The following HERC5 variants were observed in gnomAD, a reference collection of about 807,000 sequenced individuals.
The protein encoded by HERC5 is HECT and RLD domain containing E3 ubiquitin protein ligase 5.
HERC5 carries 99 observed loss-of-function variants against 119.6 expected under a neutral mutation model. The ratio of observed to expected loss-of-function variants is 0.83; its 90% CI spans 0.70 to 0.98. HERC5 has a LOEUF of 0.98. HERC5 is among the 50% of genes least tolerant of loss of function. The probability of loss-of-function intolerance (pLI) is 0.00; values close to 1 mark genes in which losing one functional copy is unlikely to be tolerated. For synonymous variants in HERC5, 478 were observed against 445.9 expected (o/e 1.07, Z -0.91); for missense variants, 1,267 against 1,241.3 (o/e 1.02, Z -0.31).
At chr4:88,493,612 T>G (rs1741712423) in intron 17 of HERC5, among the ~76,000 whole-genome samples, 1 of 152,050 alleles carries the variant, frequency 6.6e-6, no homozygotes, top group South Asian at 2.1e-4. Context: ...TTGTTTTGTT[T>G]TGCTTTATTT....
Position 88,471,213 on chromosome 4 carries a change from A to G in HERC5, c.1298+540A>G, listed in dbSNP as rs1355207472. Among the ~76,000 whole-genome samples the G allele has an allele frequency of 2.6e-5, 4 of 151,566 alleles. No homozygotes were observed. The East Asian group carries it at 7.9e-4, about 30-fold the overall frequency. ...TCGAACTCCTGAGCTCAGGCAATCT[A>G]CCAGCCTTGGCCTCCCCAAGTGCTG... On this transcript the variant is annotated intron_variant, in intron 10 of 22. Transcript: ENST00000264350.
At chr4:88,488,162 G>T (rs537792019) in intron 15 of HERC5, among the ~76,000 whole-genome samples, 42 of 151,502 alleles carry the variant, frequency 2.8e-4, no homozygotes, top group Middle Eastern at 3.5e-3. Context: ...TTTAAACAAG[G>T]TTCCAGAGAT....
At chr4:88,504,648 G>A (rs1742053911) in intron 22 of HERC5, 51 bp downstream of exon 22, 2 of 1,164,430 alleles carry the variant, frequency 1.7e-6, no homozygotes, top group South Asian at 1.9e-5. Flanking sequence ...TTTTTAATGG[G>A]ATAAAAATTT....
intron 1 of HERC5, chr4:88,457,939 G>A: frequency 9.9e-7 from 1 of 1,005,414 alleles, no homozygotes; most frequent in Non-Finnish European, 1.2e-6. Flanking sequence ...CTCAGTGATG[G>A]GATTTTACCT....
chr4:88,492,127 C>G (rs1741659080), intron 16 of HERC5, among the ~76,000 whole-genome samples: 1 of 151,958 alleles, frequency 6.6e-6, no homozygotes, highest in Non-Finnish European at 1.5e-5. Flanking sequence ...CCTCAGCCTC[C>G]TGAGTAGCTG....
intron 7 of HERC5, 137 bp from the exon 8 acceptor site, chr4:88,468,209 C>G: frequency 1.6e-6 from 1 of 613,894 alleles, no homozygotes; most frequent in Non-Finnish European, 2.7e-6. Context: ...GCTTAATTGG[C>G]AGAAAATGTA....
At chr4:88,490,353 G>C (rs972924370) in intron 16 of HERC5, among the ~76,000 whole-genome samples, 6 of 152,096 alleles carry the variant, frequency 3.9e-5, no homozygotes, top group African/African-American at 1.2e-4. Context: ...ACTTATCCAA[G>C]AGTAACCCAA....
chr4:88,504,190 G>T, intron 20 of HERC5, 42 bp from the exon 21 acceptor site: 1 of 1,334,352 alleles, frequency 7.5e-7, no homozygotes, highest in Non-Finnish European at 1.1e-6. Context: ...ATTTTGTTCA[G>T]GATATTGCAG....
At position 88,493,068 on chromosome 4, in the gene HERC5, C is replaced by G; in HGVS notation, c.2190C>G (p.Phe730Leu). The G allele has an allele frequency of 1.2e-6, 2 of 1,613,990 alleles. No homozygotes were observed. The highest frequency in any genetic ancestry group is 1.7e-6 in the Non-Finnish European group (2 of 1,179,922). Reference protein sequence around the residue: ...YDLGGVKKEFFYCLFAEMIQP... With the variant: ...YDLGGVKKEFLYCLFAEMIQP... ...TCGGAGGAGTCAAGAAAGAGTTCTT[C>G]TACTGTCTGTTTGCAGAGATGATCC... Residue 730 changes from phenylalanine (F) to leucine (L), a missense_variant, in exon 17 of 23, where the codon TTC (phenylalanine) becomes TTG (leucine). By Grantham distance (22) the Phe-to-Leu change is conservative (BLOSUM62 0). Transcript: ENST00000264350.
intron 15 of HERC5, among the ~76,000 whole-genome samples, chr4:88,487,396 G>A (rs1473572365): frequency 1.3e-5 from 2 of 152,150 alleles, no homozygotes; most frequent in Non-Finnish European, 2.9e-5. Context: ...GCAAGGGATG[G>A]AGCTTGGACA....
chr4:88,484,584 A>C (rs1741396006), intron 13 of HERC5, among the ~76,000 whole-genome samples: 1 of 152,176 alleles, frequency 6.6e-6, no homozygotes, highest in African/African-American at 2.4e-5. Flanking sequence ...TGAACTTGGA[A>C]CAGTTTGCCT....
At chr4:88,477,586 G>A (rs1383341135) in intron 12 of HERC5, among the ~76,000 whole-genome samples, 1 of 131,798 alleles carries the variant, frequency 7.6e-6, no homozygotes, top group Non-Finnish European at 1.6e-5. Flanking sequence ...GGATGGGAAG[G>A]GAAGGAGGAG....
intron 13 of HERC5, among the ~76,000 whole-genome samples, chr4:88,485,283 G>A (rs550888350): frequency 1.3e-5 from 2 of 152,108 alleles, no homozygotes; most frequent in Non-Finnish European, 2.9e-5. Context: ...TCAGCAGGAG[G>A]CCACCAGGAA....
In HERC5 at chr4:88,506,031, G is replaced by A. The variant is rs1253895288; in HGVS notation, c.*153G>A. The A allele has an allele frequency of 1.6e-6, 1 of 645,074 alleles. No homozygotes were observed. The highest frequency in any genetic ancestry group is 2.7e-6 in the Non-Finnish European group (1 of 371,672). 40.0% of individuals were successfully genotyped at this position (645,074 alleles called of 1,614,324 possible). A position where few individuals can be genotyped will look rare whatever the true frequency, so the allele number is the denominator to read the frequency against. ...TCTCTAGTGATAAGCAGGAAAGAGG[G>A]ATGAAGAAGAGGGTTTACTGGCCGG... On this transcript the variant is annotated 3_prime_UTR_variant, in exon 23 of 23. Transcript: ENST00000264350.
In HERC5 at chr4:88,475,917, TCTTC is replaced by T; in HGVS notation, c.1474_1477del (p.Leu492SerfsTer6). On this transcript the variant is annotated frameshift_variant, in exon 12 of 23. Coordinates refer to ENST00000264350, the MANE Select transcript of HERC5 (RefSeq NM_016323.4). LOFTEE classifies it high-confidence loss of function. ...CCACCCCAAGAAGCTTTAGAAATTT[TCTTC>T]CTTCTCCCAGAATGTCCTATGATGC... 1 of 1,614,066 alleles carries T rather than the reference TCTTC, an allele frequency of 6.2e-7. No individual in the cohort carries two copies.
In HERC5 at chr4:88,491,543, G is replaced by T. The variant is rs77340050; in HGVS notation, c.2134-1469G>T. The stretch of plus-strand genomic sequence containing the variant: ...CTTCATAGGAGAAAGCAAGGGAGAA[G>T]ATTGTGTCAAGGAAAAGGACATGAT... On this transcript the variant is annotated intron_variant, in intron 16 of 22. Transcript: ENST00000264350. Among the ~76,000 whole-genome samples the T allele has an allele frequency of 2.4e-3, 363 of 152,296 alleles. 1 individual carries two copies. The highest frequency in any genetic ancestry group is 8.1e-3 in the African/African-American group (337 of 41,568).
At chr4:88,462,103 A>G in intron 3 of HERC5, 32 bp from the exon 4 acceptor site, 10 of 1,575,804 alleles carry the variant, frequency 6.3e-6, no homozygotes, top group Non-Finnish European at 8.7e-6. Flanking sequence ...TTTTAAATGG[A>G]ATAAAACAGC....
intron 9 of HERC5, among the ~76,000 whole-genome samples, chr4:88,469,905 A>G (rs1233115921): frequency 2.0e-5 from 3 of 152,162 alleles, no homozygotes; most frequent in Non-Finnish European, 4.4e-5. Context: ...CTGTTTATGT[A>G]TATTGTGACT....
intron 5 of HERC5, 87 bp from the exon 6 acceptor site, chr4:88,463,768 T>C: frequency 1.4e-6 from 2 of 1,477,808 alleles, no homozygotes; most frequent in Non-Finnish European, 1.9e-6. Flanking sequence ...TTGACAGTGC[T>C]ATTTATTAGT....
Sources: gnomAD v4.1 joint callset for allele counts (sites outside exome capture counted in the v4.1 genomes callset) on GRCh38, gnomAD v4.1.1 for gene constraint, MANE v1.5 for transcripts, NCBI Gene and HGNC (gene_info 2026-07-23, HGNC 2026-07-21) for gene names.